RUNX1: variants seen among roughly 807,000 people sequenced by gnomAD.
RUNX1 encodes runt-related transcription factor 1.
Under a neutral mutation model 42.8 loss-of-function variants are expected in RUNX1, and 19 were observed. The ratio of observed to expected loss-of-function variants is 0.44; its 90% CI spans 0.31 to 0.65. The LOEUF (loss-of-function observed/expected upper bound fraction) is 0.65. Among genes scored for constraint, RUNX1 ranks in the 30% least tolerant of loss-of-function variants. The probability of loss-of-function intolerance (pLI) is 0.07; values close to 1 mark genes in which losing one functional copy is unlikely to be tolerated. For missense variants in RUNX1, 528 were observed against 672.0 expected, an observed-to-expected ratio of 0.79 and a Z score of 2.37; for synonymous variants, 271 against 289.4, an observed-to-expected ratio of 0.94 and a Z score of 0.64.
chr21:34,792,693 CCCAGGATGA>C lies in RUNX1; in HGVS notation c.968-92_968-84del, dbSNP rs2056464854. On this transcript the variant is annotated intron_variant, in intron 8 of 8. Coordinates refer to ENST00000675419, the MANE Select transcript of RUNX1 (RefSeq NM_001754.5). This position sits in a 1 kb window ranked among gnomAD's most constrained non-coding sequence, Gnocchi z 6.9. ...CTCTTCCCTCTGCCCCAGGGGGCTA[CCCAGGATGA>C]TACCGCCTAGGAGGATGGGAAGCCA... 3.0e-6 allele frequency: 4 copies of C among 1,337,870 alleles called. No homozygotes were observed. Among genetic ancestry groups the C allele is most frequent in the Non-Finnish European group, 4.1e-6 (4 of 985,186 alleles). 82.9% of individuals were successfully genotyped at this position (1,337,870 alleles called of 1,614,324 possible). A position where few individuals can be genotyped will look rare whatever the true frequency, so the allele number is the denominator to read the frequency against.
intron 5 of RUNX1, among the ~76,000 whole-genome samples, chr21:34,867,883 C>T (rs1220924202): frequency 6.6e-6 from 1 of 152,186 alleles, no homozygotes; most frequent in Non-Finnish European, 1.5e-5. Context: ...ATCCATCAGG[C>T]TGTGTGTTTG....
intron 2 of RUNX1, among the ~76,000 whole-genome samples, chr21:35,002,832 C>T (rs964784087): frequency 1.3e-5 from 2 of 152,070 alleles, no homozygotes; most frequent in African/African-American, 4.8e-5. Context: ...ACATGTCAGG[C>T]ACATAGCAGG....
chr21:35,010,854 TCTG>T (rs1351697813), intron 2 of RUNX1, among the ~76,000 whole-genome samples: 2 of 152,234 alleles, frequency 1.3e-5, no homozygotes, highest in African/African-American at 2.4e-5. Context: ...ATTAGAATCA[TCTG>T]AAACATCAGA....
rs370766377 is a variant in RUNX1 at position 34,799,446 on chromosome 21, T to A, written c.822A>T (p.Gln274His). Reference protein sequence around the residue: ...QSQMQDTRQIQPSPPWSYDQS... With the variant: ...QSQMQDTRQIHPSPPWSYDQS... ...GATCGTAGGACCACGGTGGGGATGG[T>A]TGGATCTGCCTTGTATCTGAAGAGA... Residue 274 changes from glutamine to histidine, a missense_variant, in exon 8 of 9, where the codon CAA (glutamine) becomes CAT (histidine). This residue lies in a region of RUNX1 where 331 missense variants were observed against 382.5 expected (regional missense o/e 0.87). Coordinates refer to ENST00000675419, the MANE Select transcript of RUNX1 (RefSeq NM_001754.5). 7 of 1,614,026 alleles carry A rather than the reference T, an allele frequency of 4.3e-6. No individual in the cohort carries two copies. The highest frequency in any genetic ancestry group is 5.9e-6 in the Non-Finnish European group (7 of 1,180,010).
intron 2 of RUNX1, among the ~76,000 whole-genome samples, chr21:34,932,440 G>A (rs1286277119): frequency 6.6e-6 from 1 of 152,136 alleles, no homozygotes; most frequent in African/African-American, 2.4e-5. Flanking sequence ...CCACTGCTGG[G>A]TTGTGGGTTC....
rs150779744 is a variant in RUNX1, at chr21:34,997,569, G to A, written c.58+51273C>T. Reference sequence around the variant, plus strand: ...TAAAGTAGTCTTGGCACTGGAAGTCGTCTTGCTGACGATCAGCTTCAATAG... The same window carrying A: ...TAAAGTAGTCTTGGCACTGGAAGTCATCTTGCTGACGATCAGCTTCAATAG... On this transcript the variant is annotated intron_variant, in intron 2 of 8. Transcript: ENST00000675419. Among the ~76,000 whole-genome samples, 136 of 152,330 alleles carry A rather than the reference G, an allele frequency of 8.9e-4. 1 individual carries two copies. Among genetic ancestry groups the A allele is most frequent in the African/African-American group, 3.1e-3 (127 of 41,558 alleles).
rs1246926586 is a variant in RUNX1, at chr21:34,894,922, CACACACATAT to C, written c.59-1969_59-1960del. On this transcript the variant is annotated intron_variant, in intron 2 of 8. Transcript: ENST00000675419. ...ACACACACACACACACACACACACA[CACACACATAT>C]TCATATCTACATATAGGTCCACATG... Among the ~76,000 whole-genome samples, 227 of 139,180 alleles carry C rather than the reference CACACACATAT, an allele frequency of 1.6e-3. 1 individual carries two copies. Among genetic ancestry groups the C allele is most frequent in the African/African-American group, 6.7e-3 (216 of 32,464 alleles). The allele number at this position is 139,180 out of a possible 152,430, so 91.3% of individuals were successfully genotyped here. A position where few individuals can be genotyped will look rare whatever the true frequency, so the allele number is the denominator to read the frequency against.
chr21:34,861,057 C>A (rs1423737691), intron 5 of RUNX1, among the ~76,000 whole-genome samples: 3 of 152,188 alleles, frequency 2.0e-5, no homozygotes, highest in African/African-American at 7.2e-5. Context: ...GGAGTGACTT[C>A]CATGGAGCAG....
intron 6 of RUNX1, among the ~76,000 whole-genome samples, chr21:34,840,185 T>C (rs1028232159): frequency 1.3e-5 from 2 of 152,146 alleles, no homozygotes; most frequent in African/African-American, 4.8e-5. Flanking sequence ...TAGAAAGACT[T>C]TGGGGAATGG....
At chr21:34,943,393 A>G (rs1392944814) in intron 2 of RUNX1, among the ~76,000 whole-genome samples, 1 of 152,182 alleles carries the variant, frequency 6.6e-6, no homozygotes, top group Non-Finnish European at 1.5e-5. Flanking sequence ...CCAGCACACA[A>G]TAACTCAACA....
chr21:35,037,325 G>A (rs936573681), intron 2 of RUNX1, among the ~76,000 whole-genome samples: 4 of 152,300 alleles, frequency 2.6e-5, no homozygotes, highest in African/African-American at 9.6e-5. Flanking sequence ...GGAACTGCCT[G>A]AACATCTCTC....
chr21:34,804,163 T>A (rs1185443087), intron 7 of RUNX1, among the ~76,000 whole-genome samples: 1 of 152,192 alleles, frequency 6.6e-6, no homozygotes, highest in Non-Finnish European at 1.5e-5. Context: ...TGAGAACACT[T>A]AATGGTGATT....
rs1475584227 is a variant in RUNX1, at chr21:34,956,437, G to C, written c.59-63474C>G. On this transcript the variant is annotated intron_variant, in intron 2 of 8. Coordinates refer to ENST00000675419, the MANE Select transcript of RUNX1 (RefSeq NM_001754.5). Reference sequence around the variant, plus strand: ...ACACAGTCATTTTTTTGTTGAAGTTGTTACTGTGAAATTTCAAGCTCCTTG... The same window carrying C: ...ACACAGTCATTTTTTTGTTGAAGTTCTTACTGTGAAATTTCAAGCTCCTTG... Among the ~76,000 whole-genome samples the C allele has an allele frequency of 3.9e-5, 6 of 152,130 alleles. No individual in the cohort carries two copies. The East Asian group carries it at 1.2e-3, about 29-fold the overall frequency.
chr21:34,992,816 C>T (rs533651375), intron 2 of RUNX1, among the ~76,000 whole-genome samples: 3 of 152,230 alleles, frequency 2.0e-5, no homozygotes, highest in East Asian at 1.9e-4. Context: ...AGCCAGTCCT[C>T]GAGCTGGCCT....
At chr21:34,817,003 T>G (rs1181019779) in intron 7 of RUNX1, among the ~76,000 whole-genome samples, 1 of 152,152 alleles carries the variant, frequency 6.6e-6, no homozygotes, top group Non-Finnish European at 1.5e-5. Flanking sequence ...TGACCTGAAA[T>G]AGCAACACCT....
At chr21:34,810,652 C>T (rs2056746054) in intron 7 of RUNX1, among the ~76,000 whole-genome samples, 1 of 152,204 alleles carries the variant, frequency 6.6e-6, no homozygotes, top group Admixed American at 6.5e-5. Context: ...CTTGGAGACT[C>T]AGTTTCCCCC....
chr21:34,796,644 C>T (rs1368886879), intron 8 of RUNX1, among the ~76,000 whole-genome samples: 1 of 152,224 alleles, frequency 6.6e-6, no homozygotes, highest in African/African-American at 2.4e-5. Context: ...TCCAGCTTGA[C>T]ATGGATGAAA....
intron 5 of RUNX1, among the ~76,000 whole-genome samples, chr21:34,874,190 C>T (rs2057780667): frequency 1.3e-5 from 2 of 151,752 alleles, no homozygotes; most frequent in Non-Finnish European, 2.9e-5. Flanking sequence ...ACTCCACTGG[C>T]TAAGAATCAA....
chr21:34,788,547 C>G lies in RUNX1; in HGVS notation c.*3588G>C, dbSNP rs886057031. The stretch of plus-strand genomic sequence containing the variant: ...AAACCTAAGAAAAAGTCCTTAGAAA[C>G]ACACACAAAAAAATTGAAAAAAAGT... On this transcript the variant is annotated 3_prime_UTR_variant, in exon 9 of 9. Transcript: ENST00000675419. 6 of 232,576 alleles carry G rather than the reference C, an allele frequency of 2.6e-5. No individual in the cohort carries two copies. In the East Asian group the frequency reaches 3.7e-4, roughly 14 times the overall value. 14.4% of individuals were successfully genotyped at this position (232,576 alleles called of 1,614,324 possible). A position where few individuals can be genotyped will look rare whatever the true frequency, so the allele number is the denominator to read the frequency against.
Sources: gnomAD v4.1 joint callset for allele counts (sites outside exome capture counted in the v4.1 genomes callset) on GRCh38, gnomAD v4.1.1 for gene constraint, gnomAD v4.1.1 regional missense constraint, Gnocchi (gnomAD v3.1) non-coding constraint, MANE v1.5 for transcripts, NCBI Gene and HGNC (gene_info 2026-07-23, HGNC 2026-07-21) for gene names.